CAMK1D: variants seen among roughly 807,000 people sequenced by gnomAD.
The protein encoded by CAMK1D is calcium/calmodulin dependent protein kinase ID.
Under a neutral mutation model 47.7 loss-of-function variants are expected in CAMK1D, and 9 were observed. The ratio of observed to expected loss-of-function variants is 0.19; its 90% confidence interval spans 0.11 to 0.33. The LOEUF (loss-of-function observed/expected upper bound fraction) is 0.33. Among genes scored for constraint, CAMK1D ranks in the 10% least tolerant of loss-of-function variants. CAMK1D has a pLI of 1.00. For synonymous variants in CAMK1D, 184 were observed against 184.9 expected, an observed-to-expected ratio of 0.99 and a Z score of 0.04; for missense variants, 291 against 488.7, an observed-to-expected ratio of 0.60 and a Z score of 3.81.
intron 1 of CAMK1D, among the ~76,000 whole-genome samples, chr10:12,367,789 G>A (rs1837882113): frequency 1.3e-5 from 2 of 152,264 alleles, no homozygotes; most frequent in Admixed American, 1.3e-4. Context: ...TACTGATGAA[G>A]CTTTGCTTGG....
chr10:12,391,935 A>G (rs924973177), intron 1 of CAMK1D, among the ~76,000 whole-genome samples: 2 of 151,926 alleles, frequency 1.3e-5, no homozygotes, highest in South Asian at 4.2e-4. Flanking sequence ...TAATTGCACC[A>G]CTGCACTCCA....
At chr10:12,476,121 ATCTCT>A (rs1833895690) in intron 1 of CAMK1D, among the ~76,000 whole-genome samples, 1 of 151,944 alleles carries the variant, frequency 6.6e-6, no homozygotes, top group Non-Finnish European at 1.5e-5. Context: ...GTGAAACCCC[ATCTCT>A]ACTAAAAATA....
chr10:12,669,670 C>T (rs921505476), intron 3 of CAMK1D, among the ~76,000 whole-genome samples: 4 of 152,152 alleles, frequency 2.6e-5, no homozygotes, highest in Admixed American at 6.5e-5. Flanking sequence ...AAGACCCCTT[C>T]GACCCCTTCA....
chr10:12,354,949 C>T (rs1162091743), intron 1 of CAMK1D, among the ~76,000 whole-genome samples: 4 of 150,248 alleles, frequency 2.7e-5, no homozygotes, highest in Non-Finnish European at 4.4e-5. Flanking sequence ...TCAAGTGATT[C>T]TCCTTCCTGA....
chr10:12,474,316 A>G (rs953626782), intron 1 of CAMK1D, among the ~76,000 whole-genome samples: 43 of 149,852 alleles, frequency 2.9e-4, no homozygotes, highest in Admixed American at 2.1e-3. Context: ...CTCCTGCCTC[A>G]ACCTCCTGAG....
intron 2 of CAMK1D, among the ~76,000 whole-genome samples, chr10:12,591,432 TG>T (rs1357680206): frequency 6.6e-6 from 1 of 152,226 alleles, no homozygotes; most frequent in East Asian, 1.9e-4. Flanking sequence ...TGCCAACAGC[TG>T]CCACCCAGAG....
At chr10:12,585,902 C>T (rs966861902) in intron 2 of CAMK1D, among the ~76,000 whole-genome samples, 6 of 152,148 alleles carry the variant, frequency 3.9e-5, no homozygotes, top group East Asian at 1.9e-4. Context: ...TGCTCAGGGC[C>T]GTTCCTCTTC....
At chr10:12,802,032 C>G (rs985973665) in intron 6 of CAMK1D, among the ~76,000 whole-genome samples, 12 of 152,182 alleles carry the variant, frequency 7.9e-5, no homozygotes, top group African/African-American at 2.7e-4. Flanking sequence ...CCTTCATGGC[C>G]TTTTCTCCCA....
At chr10:12,682,852 T>A (rs4360595) in intron 3 of CAMK1D, among the ~76,000 whole-genome samples, 134,061 of 152,052 alleles carry the variant, frequency 0.88, 59,318 homozygotes, top group Middle Eastern at 0.93. Context: ...AGAAGTTAAA[T>A]TTTTTTTTGC....
chr10:12,714,991 T>G (rs539577324), intron 3 of CAMK1D, among the ~76,000 whole-genome samples: 20 of 152,340 alleles, frequency 1.3e-4, no homozygotes, highest in African/African-American at 4.6e-4. Context: ...TATTTTGGAA[T>G]ATACAGTGCA....
chr10:12,693,456 A>T (rs538932190), intron 3 of CAMK1D, among the ~76,000 whole-genome samples: 3 of 152,130 alleles, frequency 2.0e-5, no homozygotes, highest in African/African-American at 7.2e-5. Flanking sequence ...TCTACAAAAA[A>T]TACCAAAAAA....
At chr10:12,738,057 C>G (rs886951298) in intron 3 of CAMK1D, among the ~76,000 whole-genome samples, 1 of 152,146 alleles carries the variant, frequency 6.6e-6, no homozygotes, top group African/African-American at 2.4e-5. Context: ...GAAGACTCTT[C>G]CTCAAGACAA....
intron 5 of CAMK1D, among the ~76,000 whole-genome samples, chr10:12,780,348 G>A (rs923031817): frequency 6.6e-6 from 1 of 152,030 alleles, no homozygotes; most frequent in African/African-American, 2.4e-5. Flanking sequence ...CTTAAACTTG[G>A]GGATTCTCAG....
At chr10:12,651,131 G>A (rs906986214) in intron 2 of CAMK1D, among the ~76,000 whole-genome samples, 24 of 151,926 alleles carry the variant, frequency 1.6e-4, no homozygotes, top group African/African-American at 4.6e-4. Flanking sequence ...TGTTTTCAGC[G>A]TCCTCCCCCT....
At chr10:12,623,223 C>T (rs1397050713) in intron 2 of CAMK1D, among the ~76,000 whole-genome samples, 15 of 472 alleles carry the variant, frequency 0.032, no homozygotes, top group East Asian at 0.071. Context: ...CTCCCTCCCT[C>T]CCTCCCTCCC....
intron 3 of CAMK1D, among the ~76,000 whole-genome samples, chr10:12,690,142 G>A (rs1832820460): frequency 6.6e-6 from 1 of 152,176 alleles, no homozygotes; most frequent in Admixed American, 6.5e-5. Flanking sequence ...CAGGCCTTGT[G>A]TTGAACGCCT....
intron 1 of CAMK1D, among the ~76,000 whole-genome samples, chr10:12,354,832 T>C (rs1317704544): frequency 7.2e-6 from 1 of 139,106 alleles, no homozygotes; most frequent in African/African-American, 2.6e-5. Context: ...CATTTCTGTT[T>C]GGAGGAAAAT....
intron 1 of CAMK1D, among the ~76,000 whole-genome samples, chr10:12,422,596 T>C (rs968776112): frequency 1.3e-5 from 2 of 152,032 alleles, no homozygotes; most frequent in Non-Finnish European, 2.9e-5. Context: ...TGTAGAGAAA[T>C]GGAAAGCAGG....
intron 2 of CAMK1D, among the ~76,000 whole-genome samples, chr10:12,650,118 C>T (rs1839918440): frequency 6.6e-6 from 1 of 152,250 alleles, no homozygotes; most frequent in African/African-American, 2.4e-5. Context: ...GCAGTCCCTC[C>T]TCTACCCTTG....
Sources: gnomAD v4.1 joint callset for allele counts (sites outside exome capture counted in the v4.1 genomes callset) on GRCh38, gnomAD v4.1.1 for gene constraint, MANE v1.5 for transcripts, NCBI Gene and HGNC (gene_info 2026-07-23, HGNC 2026-07-21) for gene names.